The following PACRG variants were observed in gnomAD, a reference collection of about 807,000 sequenced individuals.
The protein encoded by PACRG is parkin coregulated, also known as parkin coregulated gene protein.
A neutral mutation model predicts 29.7 loss-of-function variants in PACRG; 29 were observed. The ratio of observed to expected loss-of-function variants is 0.98; its 90% CI spans 0.73 to 1.33. The LOEUF is 1.33. Ranked by LOEUF, PACRG falls within the 40% of genes most tolerant of loss-of-function variation. The pLI, the probability that PACRG is intolerant of heterozygous loss-of-function variation, is 0.00. For missense variants in PACRG, 279 were observed against 316.2 expected (o/e 0.88, Z 0.89); for synonymous variants, 116 against 118.7 (o/e 0.98, Z 0.15).
intron 2 of PACRG, among the ~76,000 whole-genome samples, chr6:162,899,051 TTA>T (rs1468170131): frequency 1.3e-5 from 2 of 152,192 alleles, no homozygotes; most frequent in Non-Finnish European, 2.9e-5. Context: ...CCGAGGGTGG[TTA>T]TATCCTAGGA....
intron 2 of PACRG, among the ~76,000 whole-genome samples, chr6:162,887,561 G>A (rs921317354): frequency 6.6e-6 from 1 of 152,132 alleles, no homozygotes; most frequent in African/African-American, 2.4e-5. Flanking sequence ...ACACGTTCTT[G>A]TAAAACTTCC....
At chr6:163,092,028 A>G (rs566122264) in intron 4 of PACRG, among the ~76,000 whole-genome samples, 1 of 152,332 alleles carries the variant, frequency 6.6e-6, no homozygotes, top group South Asian at 2.1e-4. Flanking sequence ...TATGTAAATC[A>G]ATGTCTTGTT....
intron 1 of PACRG, among the ~76,000 whole-genome samples, chr6:162,748,219 T>C (rs1482709557): frequency 6.6e-6 from 1 of 152,114 alleles, no homozygotes; most frequent in Admixed American, 6.6e-5. Flanking sequence ...GGGCCGGGGC[T>C]GTGGCTCACG....
intron 2 of PACRG, among the ~76,000 whole-genome samples, chr6:162,932,216 A>G (rs747332915): frequency 1.3e-5 from 2 of 152,014 alleles, no homozygotes; most frequent in Non-Finnish European, 2.9e-5. Context: ...ATATACGTTT[A>G]TTACATTTAT....
chr6:162,990,423 T>C (rs1040540989), intron 2 of PACRG, among the ~76,000 whole-genome samples: 6 of 150,120 alleles, frequency 4.0e-5, no homozygotes, highest in Non-Finnish European at 5.9e-5. Flanking sequence ...TTTTAATGAT[T>C]GCCATTCTAA....
chr6:163,152,578 T>C (rs1778144765), intron 4 of PACRG, among the ~76,000 whole-genome samples: 1 of 152,238 alleles, frequency 6.6e-6, no homozygotes, highest in Admixed American at 6.5e-5. Flanking sequence ...TAACTATTGA[T>C]ATGACTGTCA....
intron 2 of PACRG, among the ~76,000 whole-genome samples, chr6:162,947,583 C>CATATATACTCAT (rs1554313242): frequency 2.4e-5 from 1 of 42,052 alleles, no homozygotes; most frequent in Non-Finnish European, 4.1e-5. Context: ...CATATATAAT[C>CATATATACTCAT]ATATATATAA....
chr6:163,120,582 C>T (rs1289710802), intron 4 of PACRG, among the ~76,000 whole-genome samples: 1 of 152,170 alleles, frequency 6.6e-6, no homozygotes, highest in Non-Finnish European at 1.5e-5. Context: ...TAGATATTCA[C>T]TTATTCAAAA....
At chr6:162,743,342 A>G (rs894689364) in intron 1 of PACRG, among the ~76,000 whole-genome samples, 1 of 152,206 alleles carries the variant, frequency 6.6e-6, no homozygotes, top group Admixed American at 6.5e-5. Context: ...CATAAAAGAG[A>G]AAAGATAAAT....
chr6:163,155,364 G>A (rs1215290943), intron 4 of PACRG, among the ~76,000 whole-genome samples: 2 of 152,228 alleles, frequency 1.3e-5, no homozygotes, highest in Non-Finnish European at 2.9e-5. Flanking sequence ...CTTCCAGAGG[G>A]AGATAGCATT....
chr6:163,187,918 T>C (rs1464516616), intron 4 of PACRG: 1 of 152,252 alleles, frequency 6.6e-6, no homozygotes, highest in Non-Finnish European at 1.5e-5. Context: ...TCCTCGGGTC[T>C]AGGGCATGCC....
intron 2 of PACRG, among the ~76,000 whole-genome samples, chr6:163,012,994 A>G (rs570053969): frequency 1.3e-5 from 2 of 152,218 alleles, no homozygotes; most frequent in Non-Finnish European, 2.9e-5. Flanking sequence ...TGTAAAATAC[A>G]AGATTTTGAA....
At chr6:163,181,039 C>T (rs1779630566) in intron 4 of PACRG, among the ~76,000 whole-genome samples, 1 of 152,192 alleles carries the variant, frequency 6.6e-6, no homozygotes, top group Non-Finnish European at 1.5e-5. Flanking sequence ...GTGTCTCTAA[C>T]TCTTCAGGTT....
chr6:162,941,678 G>C (rs1462424068), intron 2 of PACRG, among the ~76,000 whole-genome samples: 1 of 151,902 alleles, frequency 6.6e-6, no homozygotes, highest in African/African-American at 2.4e-5. Context: ...ATGTTAATTA[G>C]CTTTATTTAA....
intron 1 of PACRG, among the ~76,000 whole-genome samples, chr6:162,730,772 G>A (rs1779706006): frequency 6.6e-6 from 1 of 152,104 alleles, no homozygotes; most frequent in Non-Finnish European, 1.5e-5. Context: ...AAGAAAACAA[G>A]CATCACAAAA....
intron 3 of PACRG, among the ~76,000 whole-genome samples, chr6:163,079,407 TAA>T (rs76199638): frequency 3.2e-4 from 44 of 137,750 alleles, no homozygotes; most frequent in Non-Finnish European, 3.5e-4. Flanking sequence ...TTCACAGAGT[TAA>T]AAAAAAAAAA....
At chr6:163,142,641 T>G (rs1166771059) in intron 4 of PACRG, among the ~76,000 whole-genome samples, 1 of 152,166 alleles carries the variant, frequency 6.6e-6, no homozygotes, top group East Asian at 1.9e-4. Flanking sequence ...ACAGAAAATA[T>G]ATGAACATAG....
At chr6:162,876,296 C>A (rs1793346255) in intron 2 of PACRG, among the ~76,000 whole-genome samples, 1 of 152,206 alleles carries the variant, frequency 6.6e-6, no homozygotes, top group African/African-American at 2.4e-5. Context: ...CCACAAGATT[C>A]CACTGGAAAC....
At chr6:162,910,648 G>A (rs79174387) in intron 2 of PACRG, among the ~76,000 whole-genome samples, 2,364 of 152,238 alleles carry the variant, frequency 0.016, 55 homozygotes, top group African/African-American at 0.053. Flanking sequence ...CATTCAAATT[G>A]TAAATAGCTC....
Sources: gnomAD v4.1 joint callset for allele counts (sites outside exome capture counted in the v4.1 genomes callset) on GRCh38, gnomAD v4.1.1 for gene constraint, MANE v1.5 for transcripts, NCBI Gene and HGNC (gene_info 2026-07-23, HGNC 2026-07-21) for gene names.